The following PPARA variants were observed in gnomAD, a reference collection of about 807,000 sequenced individuals.
The protein encoded by PPARA is peroxisome proliferator-activated receptor alpha.
PPARA carries 22 observed loss-of-function variants against 42.2 expected under a neutral mutation model. The ratio of observed to expected loss-of-function variants is 0.52; its 90% confidence interval spans 0.37 to 0.74. The LOEUF (loss-of-function observed/expected upper bound fraction) is 0.74. Ranked by LOEUF, PPARA falls within the 30% of genes least tolerant of loss-of-function variation. The pLI is 0.00. For missense variants in PPARA, 465 were observed against 608.2 expected, an observed-to-expected ratio of 0.76 and a Z score of 2.48; for synonymous variants, 242 against 239.3, an observed-to-expected ratio of 1.01 and a Z score of -0.10.
At position 46,183,705 on chromosome 22, in the gene PPARA, C is replaced by T. The variant is rs907010064; in HGVS notation, c.-43+6869C>T. Among the ~76,000 whole-genome samples the T allele has an allele frequency of 6.6e-6, 1 of 152,158 alleles. No individual in the cohort carries two copies. Among genetic ancestry groups the T allele is most frequent in the African/African-American group, 2.4e-5 (1 of 41,442 alleles). ...TGCAGTGAGCTGTAATTGCACCATG[C>T]ACTCCAGCCTGGGTGAAAGAAGGAA... On this transcript the variant is annotated intron_variant, in intron 3 of 8. Transcript: ENST00000407236. This position sits in a 1 kb window ranked among gnomAD's most constrained non-coding sequence, Gnocchi z 5.5.
At position 46,163,638 on chromosome 22, in the gene PPARA, A is replaced by G. The variant is rs970394689; in HGVS notation, c.-127+11668A>G. On this transcript the variant is annotated intron_variant, in intron 2 of 8. Transcript: ENST00000407236. This position sits in a 1 kb window ranked among gnomAD's most constrained non-coding sequence, Gnocchi z 4.9. ...AGCCCCTTTCCCAGGACGACGTGAC[A>G]TGAGTGGTCTGTGCCTTCCAGGGCA... The G allele has an allele frequency of 6.6e-6, 1 of 152,250 alleles. No homozygotes were observed. Among genetic ancestry groups the G allele is most frequent in the South Asian group, 2.1e-4 (1 of 4,838 alleles). The allele number at this position is 152,250 out of a possible 1,614,324, so 9.4% of individuals were successfully genotyped here.
At position 46,225,971 on chromosome 22, in the gene PPARA, CCATA is replaced by C. The variant is rs566875245; in HGVS notation, c.712-5818_712-5815del. ...CAGGCACACACAAATCCACATTCACCCATACAGTCACACACATGCATACACACAC... is the reference window on the plus strand; with the variant it reads ...CAGGCACACACAAATCCACATTCACCCAGTCACACACATGCATACACACAC... On this transcript the variant is annotated intron_variant, in intron 7 of 8. Transcript: ENST00000407236. This position sits in a 1 kb window ranked among gnomAD's most constrained non-coding sequence, Gnocchi z 4.1. Among the ~76,000 whole-genome samples, 86 of 148,254 alleles carry C rather than the reference CCATA, an allele frequency of 5.8e-4. No individual in the cohort carries two copies. Among genetic ancestry groups the C allele is most frequent in the Middle Eastern group, 7.0e-3 (2 of 284 alleles).
At chr22:46,159,410 C>G (rs1197905193) in intron 2 of PPARA, among the ~76,000 whole-genome samples, 1 of 152,134 alleles carries the variant, frequency 6.6e-6, no homozygotes, top group African/African-American at 2.4e-5. Context: ...GTACGATTGT[C>G]GTTTTTTTCC....
intron 4 of PPARA, among the ~76,000 whole-genome samples, chr22:46,209,671 A>ACCCATGTAT (rs1360513270): frequency 6.6e-6 from 1 of 152,188 alleles, no homozygotes; most frequent in Non-Finnish European, 1.5e-5. Flanking sequence ...TTCTGTTTTC[A>ACCCATGTAT]CCCATGTATC....
In PPARA at chr22:46,167,527, C is replaced by T. The variant is rs1017906855; in HGVS notation, c.-126-9226C>T. 6.6e-6 allele frequency among the ~76,000 whole-genome samples: 1 copy of T among 152,006 alleles called. No individual in the cohort carries two copies. Among genetic ancestry groups the T allele is most frequent in the Non-Finnish European group, 1.5e-5 (1 of 68,006 alleles). Reference sequence around the variant, plus strand: ...AATTAGTTGAGCATGATGACACTCACCTGTAGTCCCAGCTGCACAGTAGTC... The same window carrying T: ...AATTAGTTGAGCATGATGACACTCATCTGTAGTCCCAGCTGCACAGTAGTC... On this transcript the variant is annotated intron_variant, in intron 2 of 8. Coordinates refer to ENST00000407236, the MANE Select transcript of PPARA (RefSeq NM_005036.6). This position sits in a 1 kb window ranked among gnomAD's most constrained non-coding sequence, Gnocchi z 4.1.
chr22:46,206,870 G>A (rs779131277), intron 4 of PPARA, among the ~76,000 whole-genome samples: 11 of 152,122 alleles, frequency 7.2e-5, no homozygotes, highest in Non-Finnish European at 1.5e-4. Context: ...TACTGGTAAC[G>A]AATTACTAGC....
chr22:46,238,991 A>G lies in PPARA; in HGVS notation c.*3611A>G, dbSNP rs1338840654. ...CCCTTCCTCCAGCTCCGATGAGAAG[A>G]GTATAAAGCATCTTCCTAACGGGTG... On this transcript the variant is annotated 3_prime_UTR_variant, in exon 9 of 9. Coordinates refer to ENST00000407236, the MANE Select transcript of PPARA (RefSeq NM_005036.6). The surrounding 1 kb of genome is among the most constrained non-coding windows in gnomAD (Gnocchi z 8.3). The G allele has an allele frequency of 6.6e-6, 1 of 152,210 alleles. No individual in the cohort carries two copies. Among genetic ancestry groups the G allele is most frequent in the Non-Finnish European group, 1.5e-5 (1 of 68,034 alleles). The allele number at this position is 152,210 out of a possible 1,614,324, so 9.4% of individuals were successfully genotyped here.
intron 4 of PPARA, among the ~76,000 whole-genome samples, chr22:46,207,684 T>TTTTTTTTTA (rs1933518575): frequency 8.6e-6 from 1 of 116,280 alleles, no homozygotes; most frequent in African/African-American, 4.2e-5. Flanking sequence ...ATTATTTTTT[T>TTTTTTTTTA]TTTTTTTTTT....
chr22:46,223,791 A>G (rs1935184531), intron 7 of PPARA, among the ~76,000 whole-genome samples: 1 of 151,602 alleles, frequency 6.6e-6, no homozygotes, highest in African/African-American at 2.4e-5. Flanking sequence ...CTCTACTAAA[A>G]TACAAAAAAT....
chr22:46,174,144 C>T (rs1928550637), intron 2 of PPARA, among the ~76,000 whole-genome samples: 1 of 149,566 alleles, frequency 6.7e-6, no homozygotes, highest in East Asian at 2.0e-4. Context: ...CACCACTGCA[C>T]TGCAGCCTGG....
intron 3 of PPARA, among the ~76,000 whole-genome samples, chr22:46,194,626 C>T (rs529223252): frequency 7.0e-6 from 1 of 142,524 alleles, no homozygotes; most frequent in Admixed American, 7.5e-5. Flanking sequence ...GACTGGAGGG[C>T]AGTGGTGCAA....
At position 46,224,779 on chromosome 22, in the gene PPARA, G is replaced by A. The variant is rs1935277048; in HGVS notation, c.711+4765G>A. The stretch of plus-strand genomic sequence containing the variant: ...GCTGGGGTGAAAGCAACCCTGAAAT[G>A]TTCAAAGCCTTGATGGGGAAGCACG... On this transcript the variant is annotated intron_variant, in intron 7 of 8. Coordinates refer to ENST00000407236, the MANE Select transcript of PPARA (RefSeq NM_005036.6). This position sits in a 1 kb window ranked among gnomAD's most constrained non-coding sequence, Gnocchi z 5.7. 6.6e-6 allele frequency among the ~76,000 whole-genome samples: 1 copy of A among 152,210 alleles called. No homozygotes were observed. Among genetic ancestry groups the A allele is most frequent in the Non-Finnish European group, 1.5e-5 (1 of 68,030 alleles).
chr22:46,206,138 T>C (rs1373797713), intron 4 of PPARA, among the ~76,000 whole-genome samples: 42 of 152,128 alleles, frequency 2.8e-4, no homozygotes, highest in Admixed American at 2.8e-3. Context: ...AGTCTCTCTC[T>C]GTCTCCAGGC....
At chr22:46,202,985 T>C (rs1476935035) in intron 4 of PPARA, among the ~76,000 whole-genome samples, 1 of 152,138 alleles carries the variant, frequency 6.6e-6, no homozygotes, top group Non-Finnish European at 1.5e-5. Flanking sequence ...TTACAAAAAG[T>C]GACCACACTG....
chr22:46,174,009 C>CCTGGCCAACATGGTGAAACCCCG (rs1569196305), intron 2 of PPARA, among the ~76,000 whole-genome samples: 1 of 149,606 alleles, frequency 6.7e-6, no homozygotes, highest in African/African-American at 2.5e-5. Context: ...TCGAGACCCT[C>CCTGGCCAACATGGTGAAACCCCG]TCTACTAAAA....
intron 3 of PPARA, among the ~76,000 whole-genome samples, chr22:46,194,894 T>C (rs1451431385): frequency 9.8e-6 from 1 of 102,222 alleles, no homozygotes; most frequent in African/African-American, 6.3e-5. Context: ...GTTTTCTTTC[T>C]TTTTTTTTTT....
At chr22:46,201,468 GC>G (rs1483574561) in intron 4 of PPARA, among the ~76,000 whole-genome samples, 1 of 152,104 alleles carries the variant, frequency 6.6e-6, no homozygotes, top group Non-Finnish European at 1.5e-5. Context: ...GGAGATCATG[GC>G]CCCCAGAGCA....
rs1935826488 is a variant in PPARA, at chr22:46,230,991, G to A, written c.712-801G>A. 6.6e-6 allele frequency among the ~76,000 whole-genome samples: 1 copy of A among 152,146 alleles called. No homozygotes were observed. The highest frequency in any genetic ancestry group is 1.5e-5 in the Non-Finnish European group (1 of 68,032). ...GAGAATATTTAAGAATATTAAAGGTGCTTTGCTAATGTCCTCGTTAGTTTT... is the reference window on the plus strand; with the variant it reads ...GAGAATATTTAAGAATATTAAAGGTACTTTGCTAATGTCCTCGTTAGTTTT... On this transcript the variant is annotated intron_variant, in intron 7 of 8. Coordinates refer to ENST00000407236, the MANE Select transcript of PPARA (RefSeq NM_005036.6). This position sits in a 1 kb window ranked among gnomAD's most constrained non-coding sequence, Gnocchi z 5.0.
chr22:46,215,030 AGGGCCCGGCCCCG>A (rs1188852056), intron 4 of PPARA, 130 bp from the exon 5 acceptor site: 1 of 969,522 alleles, frequency 1.0e-6, no homozygotes, highest in East Asian at 2.6e-5. Flanking sequence ...ACCCAGAGGC[AGGGCCCGGCCCCG>A]CATGGGTGTT....
Sources: gnomAD v4.1 joint callset for allele counts (sites outside exome capture counted in the v4.1 genomes callset) on GRCh38, gnomAD v4.1.1 for gene constraint, Gnocchi (gnomAD v3.1) non-coding constraint, MANE v1.5 for transcripts, NCBI Gene and HGNC (gene_info 2026-07-23, HGNC 2026-07-21) for gene names.